The following PDZRN4 variants were observed in gnomAD, a reference collection of about 807,000 sequenced individuals.
PDZRN4 encodes PDZ domain containing ring finger 4, also known as PDZ domain-containing RING finger protein 4.
PDZRN4 carries 70 observed loss-of-function variants against 99.0 expected under a neutral mutation model. That is an observed-to-expected ratio of 0.71 (90% confidence interval 0.58 to 0.86). PDZRN4 has a LOEUF of 0.86. Ranked by LOEUF, PDZRN4 falls within the 40% of genes least tolerant of loss-of-function variation. PDZRN4 has a pLI of 0.00. For missense variants in PDZRN4, 1,474 were observed against 1,331.2 expected (o/e 1.11, Z -1.67); for synonymous variants, 551 against 501.6 (o/e 1.10, Z -1.32).
intron 3 of PDZRN4, among the ~76,000 whole-genome samples, chr12:41,303,788 C>T (rs1432905934): frequency 6.6e-6 from 1 of 152,168 alleles, no homozygotes; most frequent in Admixed American, 6.5e-5. Flanking sequence ...TTCAGACTGG[C>T]TAAAATCTGA....
At chr12:41,518,414 T>C (rs964705482) in intron 5 of PDZRN4, among the ~76,000 whole-genome samples, 3 of 152,066 alleles carry the variant, frequency 2.0e-5, no homozygotes, top group African/African-American at 7.2e-5. Flanking sequence ...TTTGCCATTT[T>C]TGGGGGTTTC....
chr12:41,240,320 A>T (rs1951093957), intron 3 of PDZRN4, among the ~76,000 whole-genome samples: 2 of 152,174 alleles, frequency 1.3e-5, no homozygotes, highest in South Asian at 4.1e-4. Flanking sequence ...CAATTCCCAT[A>T]TGTGCATCTA....
At chr12:41,193,242 A>G (rs1354514919) in intron 2 of PDZRN4, among the ~76,000 whole-genome samples, 1 of 152,198 alleles carries the variant, frequency 6.6e-6, no homozygotes, top group Non-Finnish European at 1.5e-5. Context: ...GGTATTTGAC[A>G]TTTAGATGAC....
At chr12:41,303,811 T>C (rs1440509842) in intron 3 of PDZRN4, among the ~76,000 whole-genome samples, 1 of 152,176 alleles carries the variant, frequency 6.6e-6, no homozygotes, top group African/African-American at 2.4e-5. Context: ...ATGCTCAGAG[T>C]TCTGGATACA....
In PDZRN4 at chr12:41,568,006, T is replaced by G. The variant is rs111343249; in HGVS notation, c.1584+107T>G. The G allele has an allele frequency of 7.4e-4, 484 of 651,242 alleles. 1 individual carries two copies. In the African/African-American group the frequency reaches 8.2e-3, roughly 11 times the overall value. 40.3% of individuals were successfully genotyped at this position (651,242 alleles called of 1,614,324 possible). A position where few individuals can be genotyped will look rare whatever the true frequency, so the allele number is the denominator to read the frequency against. Reference sequence around the variant, plus strand: ...CAAAATCAAAGGGTTTAATCCATCATCTCTATCATGGTAATTTTTTAGAGC... The same window carrying G: ...CAAAATCAAAGGGTTTAATCCATCAGCTCTATCATGGTAATTTTTTAGAGC... On this transcript the variant is annotated intron_variant, in intron 9 of 9. Coordinates refer to ENST00000402685, the MANE Select transcript of PDZRN4 (RefSeq NM_001164595.2).
intron 3 of PDZRN4, among the ~76,000 whole-genome samples, chr12:41,304,846 T>C (rs1951559007): frequency 6.6e-6 from 1 of 152,210 alleles, no homozygotes; most frequent in Non-Finnish European, 1.5e-5. Flanking sequence ...TTAGAGGAGA[T>C]GTCACAAACT....
intron 3 of PDZRN4, among the ~76,000 whole-genome samples, chr12:41,399,472 T>C (rs1952274143): frequency 6.6e-6 from 1 of 152,196 alleles, no homozygotes; most frequent in South Asian, 2.1e-4. Context: ...CAGTGGCTCA[T>C]GCCTGTAATC....
At chr12:41,489,674 G>GTT (rs34309822) in intron 3 of PDZRN4, among the ~76,000 whole-genome samples, 1 of 144,902 alleles carries the variant, frequency 6.9e-6, no homozygotes. Flanking sequence ...AGATTTCCAG[G>GTT]TTTTTTTTTT....
chr12:41,432,631 G>A (rs1448337460), intron 3 of PDZRN4, among the ~76,000 whole-genome samples: 1 of 152,168 alleles, frequency 6.6e-6, no homozygotes, highest in Admixed American at 6.5e-5. Flanking sequence ...CAATAAGAGA[G>A]GTAAAGCATG....
chr12:41,488,674 G>C (rs1278656154), intron 3 of PDZRN4, among the ~76,000 whole-genome samples: 1 of 152,042 alleles, frequency 6.6e-6, no homozygotes, highest in African/African-American at 2.4e-5. Flanking sequence ...AACTTCTCCG[G>C]GCTGGAGGGA....
intron 3 of PDZRN4, among the ~76,000 whole-genome samples, chr12:41,455,740 T>C (rs2120516807): frequency 6.6e-6 from 1 of 152,306 alleles, no homozygotes; most frequent in Middle Eastern, 3.4e-3. Context: ...TCCTGTTATG[T>C]CAGTATTTCA....
intron 3 of PDZRN4, among the ~76,000 whole-genome samples, chr12:41,253,610 TC>T (rs1209536210): frequency 6.6e-6 from 1 of 152,048 alleles, no homozygotes; most frequent in African/African-American, 2.4e-5. Flanking sequence ...AACTAAAACT[TC>T]CATATGATCC....
intron 7 of PDZRN4, 98 bp from the exon 8 acceptor site, chr12:41,563,450 T>C: frequency 2.3e-6 from 2 of 858,514 alleles, no homozygotes; most frequent in Non-Finnish European, 1.9e-6. Context: ...TGAGCTTCAT[T>C]GTCCATACAT....
chr12:41,558,207 C>T (rs1350552680), intron 7 of PDZRN4, among the ~76,000 whole-genome samples: 1 of 152,114 alleles, frequency 6.6e-6, no homozygotes, highest in Non-Finnish European at 1.5e-5. Flanking sequence ...TGCTCAGAGT[C>T]ACGTTACATC....
rs369469781 is a variant in PDZRN4, at chr12:41,363,578, C to T, written c.844-142878C>T. Among the ~76,000 whole-genome samples, 77 of 152,170 alleles carry T rather than the reference C, an allele frequency of 5.1e-4. No homozygotes were observed. The South Asian group carries it at 0.011, about 21-fold the overall frequency. ...GTTCAGGATGCATTTGTTCAGGTTG[C>T]ATTTGCTCAGGATGGATCTGTTAAG... On this transcript the variant is annotated intron_variant, in intron 3 of 9. Transcript: ENST00000402685.
chr12:41,255,520 T>A (rs2120818603), intron 3 of PDZRN4, among the ~76,000 whole-genome samples: 1 of 152,300 alleles, frequency 6.6e-6, no homozygotes, highest in South Asian at 2.1e-4. Context: ...ACATTCTACC[T>A]TCTGTCATGT....
In PDZRN4 at chr12:41,572,885, G is replaced by T. The variant is rs375373705; in HGVS notation, c.2106G>T (p.Leu702Phe). Residue 702 changes from leucine (L) to phenylalanine (F), a missense_variant, in exon 10 of 10, where the codon TTG (leucine) becomes TTT (phenylalanine). By Grantham distance (22) the Leu-to-Phe change is conservative. Transcript: ENST00000402685. ...ACCAGTATGGAGACATCTGGACATT[G>T]CATGATGGAGGATTCCGGAATTATA... Reference protein sequence around the residue: ...VTDQYGDIWTLHDGGFRNYNT... With the variant: ...VTDQYGDIWTFHDGGFRNYNT... 1.2e-6 allele frequency: 2 copies of T among 1,614,158 alleles called. No homozygotes were observed. The highest frequency in any genetic ancestry group is 1.3e-5 in the African/African-American group (1 of 75,050).
intron 3 of PDZRN4, among the ~76,000 whole-genome samples, chr12:41,333,530 T>G (rs1476580552): frequency 1.3e-5 from 2 of 152,128 alleles, no homozygotes; most frequent in African/African-American, 4.8e-5. Flanking sequence ...TGTTAGATTC[T>G]GAGTTCCAGT....
At chr12:41,295,744 G>A (rs546016186) in intron 3 of PDZRN4, among the ~76,000 whole-genome samples, 5 of 152,098 alleles carry the variant, frequency 3.3e-5, no homozygotes, top group South Asian at 2.1e-4. Context: ...AGTTTCAAAA[G>A]AGACCCTATC....
Sources: gnomAD v4.1 joint callset for allele counts (sites outside exome capture counted in the v4.1 genomes callset) on GRCh38, gnomAD v4.1.1 for gene constraint, MANE v1.5 for transcripts, NCBI Gene and HGNC (gene_info 2026-07-23, HGNC 2026-07-21) for gene names.